The following UNKL variants were observed in gnomAD, a reference collection of about 807,000 sequenced individuals.
The protein encoded by UNKL is unk like zinc finger.
A neutral mutation model predicts 78.0 loss-of-function variants in UNKL; 60 were observed. That is an observed-to-expected ratio of 0.77 (90% CI 0.63 to 0.95). The LOEUF (loss-of-function observed/expected upper bound fraction) is 0.95. UNKL is among the 40% of genes least tolerant of loss of function. The pLI is 0.00. For synonymous variants in UNKL, 608 were observed against 474.8 expected (o/e 1.28, Z -3.65); for missense variants, 1,159 against 1,045.7 (o/e 1.11, Z -1.49).
At position 1,387,178 on chromosome 16, in the gene UNKL, C is replaced by CCTCCCAGCCATGCAACACCGGGGACA. The variant is rs1214339070; in HGVS notation, c.1087-1819_1087-1794dup. Among the ~76,000 whole-genome samples the CCTCCCAGCCATGCAACACCGGGGACA allele has an allele frequency of 6.7e-6, 1 of 149,946 alleles. No homozygotes were observed. The highest frequency in any genetic ancestry group is 1.5e-5 in the Non-Finnish European group (1 of 67,460). On this transcript the variant is annotated intron_variant, in intron 9 of 14. Transcript: ENST00000389221. This position sits in a 1 kb window ranked among gnomAD's most constrained non-coding sequence, Gnocchi z 4.1. Reference sequence around the variant, plus strand: ...CTCCCAGCCATGCAGCACCGGGGACCCTCCCAGCCATGCAACACCGGGGAC... The same window carrying CCTCCCAGCCATGCAACACCGGGGACA: ...CTCCCAGCCATGCAGCACCGGGGACCCTCCCAGCCATGCAACACCGGGGACACTCCCAGCCATGCAACACCGGGGAC...
At chr16:1,394,261 C>G in intron 6 of UNKL, 46 bp from the exon 7 acceptor site, 2 of 1,540,294 alleles carry the variant, frequency 1.3e-6, no homozygotes, top group Non-Finnish European at 1.8e-6. Context: ...AAATGGGATT[C>G]TGTGGAAAGA....
rs2036763786 is a variant in UNKL, at chr16:1,385,249, A to T, written c.1223T>A (p.Leu408His). The change falls in exon 10 of 15, where the codon CTC becomes CAC. Residue 408 changes from leucine (L) to histidine (H), a missense_variant. Coordinates refer to ENST00000389221, the MANE Select transcript of UNKL (RefSeq NM_001372107.1). ...TALPAPPARA[L>H]PLGPASSTVE... ...AGTGCTGCTGGCGGGGCCGAGCGGGAGGGCACGGGCGGGGGGCGCGGGCAG... is the reference window on the plus strand; with the variant it reads ...AGTGCTGCTGGCGGGGCCGAGCGGGTGGGCACGGGCGGGGGGCGCGGGCAG... The T allele has an allele frequency of 7.6e-6, 10 of 1,309,764 alleles. No individual in the cohort carries two copies. The highest frequency in any genetic ancestry group is 9.7e-6 in the Non-Finnish European group (10 of 1,031,858). 81.1% of individuals were successfully genotyped at this position (1,309,764 alleles called of 1,614,324 possible).
chr16:1,403,150 T>A lies in UNKL; in HGVS notation c.464+18A>T, dbSNP rs780715962. On this transcript the variant is annotated intron_variant, in intron 3 of 14. Coordinates refer to ENST00000389221, the MANE Select transcript of UNKL (RefSeq NM_001372107.1). This position sits in a 1 kb window ranked among gnomAD's most constrained non-coding sequence, Gnocchi z 4.8. ...AGCAGCAGGCAGGCCAAGTGCCCAC[T>A]CGTGGATGCCCACTCACCTGACGTC... The A allele has an allele frequency of 1.2e-6, 2 of 1,600,686 alleles. No individual in the cohort carries two copies. The highest frequency in any genetic ancestry group is 1.7e-6 in the Non-Finnish European group (2 of 1,173,004).
chr16:1,379,794 C>A, intron 10 of UNKL: 1 of 788,768 alleles, frequency 1.3e-6, no homozygotes, highest in Non-Finnish European at 1.5e-6. Context: ...AACCTTCCCC[C>A]CGACTCGGGC....
intron 10 of UNKL, among the ~76,000 whole-genome samples, chr16:1,382,317 G>A (rs998544912): frequency 5.3e-5 from 8 of 152,216 alleles, no homozygotes; most frequent in African/African-American, 1.9e-4. Flanking sequence ...CCGGAGGGCG[G>A]AAGTTTGAGT....
At chr16:1,405,656 T>A (rs1022869326) in intron 2 of UNKL, among the ~76,000 whole-genome samples, 1 of 150,924 alleles carries the variant, frequency 6.6e-6, no homozygotes, top group African/African-American at 2.4e-5. Flanking sequence ...AGGGAATACC[T>A]AAGAGAAAGC....
intron 4 of UNKL, among the ~76,000 whole-genome samples, chr16:1,400,368 A>C (rs891863517): frequency 5.6e-5 from 7 of 124,422 alleles, no homozygotes; most frequent in Admixed American, 4.4e-4. Context: ...CAGTGAGCTG[A>C]GATTGTGCCA....
At chr16:1,398,977 G>A (rs1401798274) in intron 5 of UNKL, 2 of 1,494,732 alleles carry the variant, frequency 1.3e-6, no homozygotes, top group Non-Finnish European at 1.8e-6. Context: ...TGACGACAGT[G>A]CCTGAGCCCC....
At chr16:1,411,815 C>T (rs1360840590) in intron 2 of UNKL, 1 of 152,142 alleles carries the variant, frequency 6.6e-6, no homozygotes, top group Non-Finnish European at 1.5e-5. Flanking sequence ...ACAGAGACTT[C>T]GTCTCAAAAC....
At chr16:1,385,581 C>A (rs1310957385) in intron 9 of UNKL, among the ~76,000 whole-genome samples, 196 bp from the exon 10 acceptor site, 1 of 152,242 alleles carries the variant, frequency 6.6e-6, no homozygotes, top group Middle Eastern at 3.2e-3. Context: ...CAGCGGGCTA[C>A]GGTGCACTTG....
Position 1,403,867 on chromosome 16 carries a change from T to C in UNKL, c.288-523A>G, listed in dbSNP as rs1415951047. Reference sequence around the variant, plus strand: ...CGCGGCTTGGGGGACACGAGGGGGATGGGCAGAAGAGGCGGCAGATGGCGT... The same window carrying C: ...CGCGGCTTGGGGGACACGAGGGGGACGGGCAGAAGAGGCGGCAGATGGCGT... On this transcript the variant is annotated intron_variant, in intron 2 of 14. Coordinates refer to ENST00000389221, the MANE Select transcript of UNKL (RefSeq NM_001372107.1). This position sits in a 1 kb window ranked among gnomAD's most constrained non-coding sequence, Gnocchi z 4.8. 6.6e-6 allele frequency among the ~76,000 whole-genome samples: 1 copy of C among 151,918 alleles called. No individual in the cohort carries two copies. Among genetic ancestry groups the C allele is most frequent in the East Asian group, 1.9e-4 (1 of 5,180 alleles).
intron 2 of UNKL, among the ~76,000 whole-genome samples, chr16:1,407,557 G>A (rs575511516): frequency 1.3e-5 from 2 of 152,118 alleles, no homozygotes; most frequent in East Asian, 1.9e-4. Flanking sequence ...TCAGCTGGGC[G>A]TGGTGGTGTG....
At position 1,365,839 on chromosome 16, in the gene UNKL, A is replaced by T. The variant is rs1418135399; in HGVS notation, c.*401T>A. On this transcript the variant is annotated 3_prime_UTR_variant, in exon 15 of 15. Transcript: ENST00000389221. Reference sequence around the variant, plus strand: ...TAGAGCAATTTATAACCTCTAACTAAATTCCTCGGTTTACAAAGTGCTTTG... The same window carrying T: ...TAGAGCAATTTATAACCTCTAACTATATTCCTCGGTTTACAAAGTGCTTTG... 6.0e-6 allele frequency: 1 copy of T among 166,634 alleles called. No homozygotes were observed. Among genetic ancestry groups the T allele is most frequent in the African/African-American group, 2.4e-5 (1 of 41,982 alleles). The allele number at this position is 166,634 out of a possible 1,614,324, so 10.3% of individuals were successfully genotyped here. A position where few individuals can be genotyped will look rare whatever the true frequency, so the allele number is the denominator to read the frequency against.
chr16:1,376,857 A>C (rs1754276577), intron 10 of UNKL, among the ~76,000 whole-genome samples: 1 of 152,116 alleles, frequency 6.6e-6, no homozygotes, highest in African/African-American at 2.4e-5. Flanking sequence ...ACAGTAATAA[A>C]AGTTACCTGC....
In UNKL at chr16:1,399,574, A is replaced by C. The variant is rs1567231378; in HGVS notation, c.599-65T>G. 2 of 1,544,316 alleles carry C rather than the reference A, an allele frequency of 1.3e-6. No homozygotes were observed. The highest frequency in any genetic ancestry group is 2.4e-5 in the South Asian group (2 of 84,408). On this transcript the variant is annotated intron_variant, in intron 4 of 14. Coordinates refer to ENST00000389221, the MANE Select transcript of UNKL (RefSeq NM_001372107.1). This position sits in a 1 kb window ranked among gnomAD's most constrained non-coding sequence, Gnocchi z 5.8. The stretch of plus-strand genomic sequence containing the variant: ...GAAGCAATGCTGGGCAGAGGAGACC[A>C]AAGGTGGAAGGACCTGGCTGTCCCC...
intron 4 of UNKL, 94 bp downstream of exon 4, chr16:1,401,474 A>C (rs940204928): frequency 1.5e-6 from 2 of 1,343,704 alleles, no homozygotes; most frequent in Non-Finnish European, 1.9e-6. Flanking sequence ...CCTTGCACGT[A>C]AACTGAAAGG....
intron 14 of UNKL, 126 bp downstream of exon 14, chr16:1,366,966 C>T: frequency 7.0e-7 from 1 of 1,422,532 alleles, no homozygotes; most frequent in Non-Finnish European, 9.2e-7. Flanking sequence ...CTCCTCCTCC[C>T]TAGGCCCGGA....
In UNKL at chr16:1,364,993, GC is replaced by G. The variant is rs1267699316; in HGVS notation, c.*1246del. On this transcript the variant is annotated 3_prime_UTR_variant, in exon 15 of 15. Coordinates refer to ENST00000389221, the MANE Select transcript of UNKL (RefSeq NM_001372107.1). The stretch of plus-strand genomic sequence containing the variant: ...GACAGCTCTGAGTAATCAGAAAACA[GC>G]TTTTTTTTTTTTTTTTTGAGCCAGA... 6.7e-6 allele frequency: 1 copy of G among 148,978 alleles called. No homozygotes were observed. Among genetic ancestry groups the G allele is most frequent in the Non-Finnish European group, 1.5e-5 (1 of 67,682 alleles). 9.2% of individuals were successfully genotyped at this position (148,978 alleles called of 1,614,324 possible).
At chr16:1,411,920 A>T (rs1480176515) in intron 2 of UNKL, 1 of 152,244 alleles carries the variant, frequency 6.6e-6, no homozygotes, top group African/African-American at 2.4e-5. Context: ...TTTTTAATTT[A>T]TCGCCTAGGC....
Sources: allele counts gnomAD v4.1 joint callset (sites outside exome capture counted in the v4.1 genomes callset), GRCh38; gene constraint gnomAD v4.1.1; non-coding constraint Gnocchi (gnomAD v3.1); transcripts MANE v1.5; gene names NCBI Gene and HGNC (gene_info 2026-07-23, HGNC 2026-07-21).